SCFD2: variants seen among roughly 807,000 people sequenced by gnomAD.
SCFD2 encodes the protein sec1 family domain containing 2, also known as sec1 family domain-containing protein 2.
SCFD2 carries 54 observed loss-of-function variants against 58.9 expected under a neutral mutation model. The ratio of observed to expected loss-of-function variants is 0.92; its 90% confidence interval spans 0.74 to 1.15. SCFD2 has a LOEUF of 1.15. SCFD2 is among the 50% of genes most tolerant of loss of function. The pLI is 0.00. For synonymous variants in SCFD2, 321 were observed against 335.9 expected, an observed-to-expected ratio of 0.96 and a Z score of 0.49; for missense variants, 805 against 836.6, an observed-to-expected ratio of 0.96 and a Z score of 0.47.
intron 4 of SCFD2, among the ~76,000 whole-genome samples, chr4:53,146,831 C>A (rs749600417): frequency 1.3e-5 from 2 of 152,086 alleles, no homozygotes; most frequent in Non-Finnish European, 2.9e-5. Context: ...TTGTTAATCT[C>A]TTACTGTGCC....
intron 5 of SCFD2, among the ~76,000 whole-genome samples, chr4:53,126,175 C>A (rs1481864002): frequency 6.6e-6 from 1 of 152,182 alleles, no homozygotes; most frequent in South Asian, 2.1e-4. Context: ...ACACACCTTG[C>A]CTACTCTACT....
chr4:53,029,008 G>A (rs2062186), intron 5 of SCFD2, among the ~76,000 whole-genome samples: 3 of 152,136 alleles, frequency 2.0e-5, no homozygotes, highest in South Asian at 2.1e-4. Context: ...TGGTTGAAAC[G>A]AAAAAGATGG....
At chr4:53,289,841 C>T (rs1261780210) in intron 3 of SCFD2, among the ~76,000 whole-genome samples, 1 of 152,044 alleles carries the variant, frequency 6.6e-6, no homozygotes, top group Non-Finnish European at 1.5e-5. Context: ...GGTAGCTATA[C>T]TTAGATAAAA....
intron 5 of SCFD2, among the ~76,000 whole-genome samples, chr4:52,981,790 A>G (rs1158330634): frequency 6.6e-6 from 1 of 152,160 alleles, no homozygotes; most frequent in African/African-American, 2.4e-5. Context: ...TTATATTCCA[A>G]GATGAATGGG....
intron 4 of SCFD2, among the ~76,000 whole-genome samples, chr4:53,225,005 A>C (rs901482446): frequency 1.3e-5 from 2 of 152,184 alleles, no homozygotes; most frequent in African/African-American, 4.8e-5. Context: ...ATTTTTAACA[A>C]CTATAACATG....
intron 5 of SCFD2, among the ~76,000 whole-genome samples, chr4:53,048,812 G>C (rs1295088526): frequency 6.6e-6 from 1 of 152,060 alleles, no homozygotes; most frequent in African/African-American, 2.4e-5. Context: ...GCCCCTTCTT[G>C]CTTCCTCTAA....
At chr4:53,344,638 C>T (rs748270609) in intron 2 of SCFD2, among the ~76,000 whole-genome samples, 3 of 152,152 alleles carry the variant, frequency 2.0e-5, no homozygotes, top group Non-Finnish European at 4.4e-5. Context: ...GCCCGCATTG[C>T]CAAGACAATC....
intron 4 of SCFD2, among the ~76,000 whole-genome samples, chr4:53,246,263 T>C (rs1730067799): frequency 1.3e-5 from 2 of 152,214 alleles, no homozygotes; most frequent in South Asian, 4.1e-4. Flanking sequence ...AAAATGGGTA[T>C]ACTGCCCAAA....
At chr4:53,053,604 A>G (rs1346961483) in intron 5 of SCFD2, among the ~76,000 whole-genome samples, 5 of 151,990 alleles carry the variant, frequency 3.3e-5, no homozygotes, top group Non-Finnish European at 7.4e-5. Context: ...CTCCGATCAT[A>G]TGGCTCTCCC....
intron 3 of SCFD2, among the ~76,000 whole-genome samples, chr4:53,307,287 C>G (rs552454747): frequency 6.6e-6 from 1 of 152,176 alleles, no homozygotes; most frequent in Non-Finnish European, 1.5e-5. Flanking sequence ...AAGGCAGAAC[C>G]ATCTTTATAA....
intron 3 of SCFD2, among the ~76,000 whole-genome samples, chr4:53,302,590 G>C (rs1348548696): frequency 6.6e-6 from 1 of 151,778 alleles, no homozygotes; most frequent in Non-Finnish European, 1.5e-5. Context: ...CACAGAATTG[G>C]AAAAAACTAC....
chr4:52,988,605 A>C (rs1338186807), intron 5 of SCFD2, among the ~76,000 whole-genome samples: 3 of 152,140 alleles, frequency 2.0e-5, no homozygotes, highest in Non-Finnish European at 2.9e-5. Context: ...ATCCCCCTTA[A>C]TTCGTTACCT....
At chr4:53,096,617 C>A (rs937314136) in intron 5 of SCFD2, among the ~76,000 whole-genome samples, 8 of 152,168 alleles carry the variant, frequency 5.3e-5, no homozygotes, top group African/African-American at 1.9e-4. Context: ...GATATTAGCC[C>A]TTTGTCAGAT....
chr4:53,206,099 G>A (rs918264522), intron 4 of SCFD2, among the ~76,000 whole-genome samples: 7 of 152,050 alleles, frequency 4.6e-5, no homozygotes, highest in African/African-American at 1.7e-4. Flanking sequence ...ATTTTATAGA[G>A]TTCAAATTTC....
chr4:52,919,337 G>C (rs1462953081), intron 6 of SCFD2, among the ~76,000 whole-genome samples: 2 of 152,022 alleles, frequency 1.3e-5, no homozygotes, highest in East Asian at 3.9e-4. Context: ...ATGTCTTTTG[G>C]AACTAGTCCA....
At chr4:53,057,082 G>A (rs1723362851) in intron 5 of SCFD2, among the ~76,000 whole-genome samples, 1 of 152,194 alleles carries the variant, frequency 6.6e-6, no homozygotes, top group South Asian at 2.1e-4. Flanking sequence ...CTACTCTGGA[G>A]GCTGAGGCAG....
Position 53,273,869 on chromosome 4 carries a change from G to A in SCFD2, c.1268C>T (p.Ala423Val), listed in dbSNP as rs1420754274. ...TAQTLKHPQT[A>V]KWDNFLAFER... ...AAAAGCCAGAAAGTTGTCCCACTTG[G>A]CAGTCTGTGGGTGTTTCAACGTTTG... The change falls in exon 4 of 9, where the codon GCC becomes GTC. Residue 423 changes from alanine (A) to valine (V), a missense_variant. Physicochemically the swap from Ala to Val is moderately conservative, Grantham distance 64. Transcript: ENST00000401642. The A allele has an allele frequency of 6.2e-7, 1 of 1,613,446 alleles. No homozygotes were observed. The highest frequency in any genetic ancestry group is 8.5e-7 in the Non-Finnish European group (1 of 1,179,658).
At chr4:53,076,551 G>A (rs1292938737) in intron 5 of SCFD2, among the ~76,000 whole-genome samples, 2 of 152,106 alleles carry the variant, frequency 1.3e-5, no homozygotes, top group South Asian at 2.1e-4. Context: ...AGTTGGCCTT[G>A]TGTCCTCGTA....
intron 5 of SCFD2, among the ~76,000 whole-genome samples, chr4:53,065,220 T>C (rs908981149): frequency 1.6e-4 from 24 of 152,104 alleles, no homozygotes; most frequent in African/African-American, 5.5e-4. Flanking sequence ...AGATCACTTA[T>C]GGCAGTTAGC....
Sources: gnomAD v4.1 joint callset for allele counts (sites outside exome capture counted in the v4.1 genomes callset) on GRCh38, gnomAD v4.1.1 for gene constraint, MANE v1.5 for transcripts, NCBI Gene and HGNC (gene_info 2026-07-23, HGNC 2026-07-21) for gene names.